DGKB: variants seen among roughly 807,000 people sequenced by gnomAD.
DGKB encodes 90 kDa diacylglycerol kinase.
Under a neutral mutation model 114.3 loss-of-function variants are expected in DGKB, and 67 were observed. That is an observed-to-expected ratio of 0.59 (90% confidence interval 0.48 to 0.72). DGKB has a LOEUF of 0.72. Ranked by LOEUF, DGKB falls within the 30% of genes least tolerant of loss-of-function variation. The pLI, the probability that DGKB is intolerant of heterozygous loss-of-function variation, is 0.00. For missense variants in DGKB, 907 were observed against 975.2 expected (o/e 0.93, Z 0.93); for synonymous variants, 398 against 323.1 (o/e 1.23, Z -2.49).
At chr7:14,858,211 A>G (rs1402844762) in intron 1 of DGKB, among the ~76,000 whole-genome samples, 1 of 152,148 alleles carries the variant, frequency 6.6e-6, no homozygotes, top group Non-Finnish European at 1.5e-5. Flanking sequence ...AAATTGCCAC[A>G]ATACAATGCT....
chr7:14,492,316 A>G (rs1207131325), intron 20 of DGKB, among the ~76,000 whole-genome samples: 1 of 151,968 alleles, frequency 6.6e-6, no homozygotes, highest in African/African-American at 2.4e-5. Context: ...TGAGGGAGTG[A>G]GGAGGTAGCT....
chr7:14,661,091 C>T (rs1816971386), intron 13 of DGKB, among the ~76,000 whole-genome samples: 1 of 151,692 alleles, frequency 6.6e-6, no homozygotes, highest in Non-Finnish European at 1.5e-5. Flanking sequence ...GACCTAAAAC[C>T]ACAAAGACCC....
intron 2 of DGKB, among the ~76,000 whole-genome samples, chr7:14,831,529 CT>C (rs1395125341): frequency 6.6e-6 from 1 of 151,990 alleles, no homozygotes. Context: ...GGATTTCCTC[CT>C]GACACAACTC....
At chr7:14,565,868 AT>A (rs1797311763) in intron 20 of DGKB, among the ~76,000 whole-genome samples, 2 of 152,024 alleles carry the variant, frequency 1.3e-5, no homozygotes, top group East Asian at 3.9e-4. Context: ...TAATATAGTA[AT>A]TTTTTTAAAA....
chr7:14,613,893 G>A (rs1806050620), intron 15 of DGKB, among the ~76,000 whole-genome samples: 1 of 152,086 alleles, frequency 6.6e-6, no homozygotes, highest in South Asian at 2.1e-4. Flanking sequence ...GAACTGGAAA[G>A]AAACTCAATA....
chr7:14,769,123 A>G (rs200802381), intron 2 of DGKB, among the ~76,000 whole-genome samples: 2,110 of 88,924 alleles, frequency 0.024, 11 homozygotes, highest in Non-Finnish European at 0.027. Flanking sequence ...GAAAGAAAGA[A>G]AGAGAGAGAG....
chr7:14,704,887 C>A (rs1467996043), intron 6 of DGKB, among the ~76,000 whole-genome samples: 1 of 152,068 alleles, frequency 6.6e-6, no homozygotes, highest in Admixed American at 6.5e-5. Flanking sequence ...AACAGAAAAA[C>A]TGGAAGCTCT....
At chr7:14,314,316 A>G (rs1241648333) in intron 23 of DGKB, among the ~76,000 whole-genome samples, 3 of 152,146 alleles carry the variant, frequency 2.0e-5, no homozygotes, top group African/African-American at 7.2e-5. Flanking sequence ...AGAAGGCTTC[A>G]GATGATCAAA....
chr7:14,596,395 G>T (rs1305173950), intron 17 of DGKB, among the ~76,000 whole-genome samples: 1 of 151,990 alleles, frequency 6.6e-6, no homozygotes, highest in African/African-American at 2.4e-5. Context: ...CACATATTCT[G>T]TTACCAGGCA....
chr7:14,841,089 T>C (rs2128138216), intron 2 of DGKB, 105 bp downstream of exon 2: 1 of 1,007,204 alleles, frequency 9.9e-7, no homozygotes, highest in Non-Finnish European at 1.5e-6. Flanking sequence ...CAGAGCTGGA[T>C]CTATCCCCAT....
intron 2 of DGKB, among the ~76,000 whole-genome samples, chr7:14,797,027 G>A (rs761840533): frequency 2.0e-5 from 3 of 152,180 alleles, no homozygotes; most frequent in Admixed American, 6.5e-5. Flanking sequence ...AGTCTTTTAA[G>A]GATGGACTAA....
intron 2 of DGKB, among the ~76,000 whole-genome samples, chr7:14,800,054 C>A (rs1215915967): frequency 6.6e-6 from 1 of 151,980 alleles, no homozygotes. Flanking sequence ...GTAGCTGGGA[C>A]TACAGGTGTA....
At chr7:14,480,712 C>T (rs1414974381) in intron 20 of DGKB, among the ~76,000 whole-genome samples, 1 of 152,132 alleles carries the variant, frequency 6.6e-6, no homozygotes, top group African/African-American at 2.4e-5. Context: ...AGACTTTCTA[C>T]TTCCAAGCCT....
chr7:14,796,099 G>T (rs1358717613), intron 2 of DGKB, among the ~76,000 whole-genome samples: 1 of 152,140 alleles, frequency 6.6e-6, no homozygotes, highest in Non-Finnish European at 1.5e-5. Context: ...TTGGGTGGAA[G>T]AATGGTGAAA....
chr7:14,207,100 C>T (rs1025234325), intron 23 of DGKB, among the ~76,000 whole-genome samples: 1 of 152,018 alleles, frequency 6.6e-6, no homozygotes, highest in African/African-American at 2.4e-5. Context: ...ACTTTTTAAG[C>T]AACTTCTATG....
At chr7:14,248,846 T>C (rs143584116) in intron 23 of DGKB, among the ~76,000 whole-genome samples, 3,850 of 152,184 alleles carry the variant, frequency 0.025, 142 homozygotes, top group African/African-American at 0.088. Context: ...TCTTAGCTAA[T>C]TGCTCTGATT....
At chr7:14,374,182 A>G (rs768363442) in intron 21 of DGKB, among the ~76,000 whole-genome samples, 1 of 152,124 alleles carries the variant, frequency 6.6e-6, no homozygotes, top group Non-Finnish European at 1.5e-5. Flanking sequence ...TTACTTGCTC[A>G]TATGTGACTC....
intron 21 of DGKB, among the ~76,000 whole-genome samples, chr7:14,387,322 A>G (rs2128698409): frequency 6.7e-6 from 1 of 148,914 alleles, no homozygotes; most frequent in Admixed American, 6.7e-5. Context: ...CTGAGGCAGG[A>G]GAATTGCTTG....
intron 23 of DGKB, among the ~76,000 whole-genome samples, chr7:14,323,346 C>T (rs1049416252): frequency 7.4e-4 from 112 of 152,180 alleles, no homozygotes; most frequent in African/African-American, 2.6e-3. Flanking sequence ...AGAGTGGTTA[C>T]ATAGGTGTAT....
Sources: allele counts gnomAD v4.1 joint callset (sites outside exome capture counted in the v4.1 genomes callset), GRCh38; gene constraint gnomAD v4.1.1; transcripts MANE v1.5; gene names NCBI Gene and HGNC (gene_info 2026-07-23, HGNC 2026-07-21).